AKAP19: variants seen among roughly 807,000 people sequenced by gnomAD.
The protein encoded by AKAP19 is A-kinase anchoring protein 19.
At chr2:189,919,949 T>C in the AKAP19 span, among the ~76,000 whole-genome samples, 2 of 152,180 alleles carry the variant, frequency 1.3e-5, no homozygotes, top group Admixed American at 6.5e-5. Flanking sequence ...AGTAGCAGCC[T>C]ACACACACAA....
chr2:190,138,744 G>C, the AKAP19 span, among the ~76,000 whole-genome samples: 1 of 152,154 alleles, frequency 6.6e-6, no homozygotes, highest in African/African-American at 2.4e-5. Context: ...CCTGTTCTTT[G>C]TCCATACCTC....
At chr2:190,176,391 G>A in the AKAP19 span, among the ~76,000 whole-genome samples, 3 of 152,182 alleles carry the variant, frequency 2.0e-5, no homozygotes, top group African/African-American at 4.8e-5. This position sits in a 1 kb window ranked among gnomAD's most constrained non-coding sequence, Gnocchi z 4.7. Flanking sequence ...ACTGTCACCC[G>A]GGCTGGAGTG....
At chr2:190,065,999 AG>A in the AKAP19 span, among the ~76,000 whole-genome samples, 1 of 152,184 alleles carries the variant, frequency 6.6e-6, no homozygotes, top group Admixed American at 6.6e-5. Context: ...GAGACAGGAC[AG>A]TACTGCATCA....
chr2:190,126,277 G>A, the AKAP19 span, among the ~76,000 whole-genome samples: 9 of 39,730 alleles, frequency 2.3e-4, no homozygotes, highest in Non-Finnish European at 2.7e-4. Context: ...GCAACAGAGC[G>A]AGATTCCATC....
the AKAP19 span, among the ~76,000 whole-genome samples, chr2:190,133,298 AAC>A: frequency 2.0e-5 from 3 of 151,866 alleles, no homozygotes; most frequent in Non-Finnish European, 4.4e-5. Context: ...TTCTCAAAAA[AAC>A]ACATATAAAT....
the AKAP19 span, among the ~76,000 whole-genome samples, chr2:190,020,283 A>C: frequency 3.3e-5 from 5 of 152,234 alleles, no homozygotes; most frequent in African/African-American, 1.2e-4. Context: ...GAGCTTATTC[A>C]TTTATTTTTT....
chr2:190,133,957 T>C, the AKAP19 span, among the ~76,000 whole-genome samples: 2 of 152,234 alleles, frequency 1.3e-5, no homozygotes, highest in African/African-American at 4.8e-5. Context: ...TATTATACAC[T>C]TGAAATTTGC....
the AKAP19 span, among the ~76,000 whole-genome samples, chr2:189,891,440 G>C: frequency 6.6e-6 from 1 of 151,664 alleles, no homozygotes; most frequent in African/African-American, 2.4e-5. Flanking sequence ...AGTCAGGATG[G>C]TCTCAATCTC....
the AKAP19 span, among the ~76,000 whole-genome samples, chr2:190,119,148 G>T: frequency 4.6e-5 from 7 of 152,202 alleles, no homozygotes; most frequent in Non-Finnish European, 7.3e-5. Flanking sequence ...AGGGTTCTTG[G>T]TCTTCATGCC....
At chr2:190,068,936 G>A in the AKAP19 span, among the ~76,000 whole-genome samples, 4 of 151,944 alleles carry the variant, frequency 2.6e-5, no homozygotes, top group Non-Finnish European at 4.4e-5. Context: ...TAATGATCTG[G>A]GCTTCCTAGA....
At chr2:189,970,526 G>C in the AKAP19 span, among the ~76,000 whole-genome samples, 2 of 151,574 alleles carry the variant, frequency 1.3e-5, no homozygotes, top group South Asian at 4.2e-4. Flanking sequence ...CATCAATACT[G>C]TGTTCGAGAT....
chr2:189,892,157 G>A, the AKAP19 span, among the ~76,000 whole-genome samples: 4 of 151,652 alleles, frequency 2.6e-5, no homozygotes, highest in African/African-American at 4.8e-5. Flanking sequence ...GGTTCTTAGC[G>A]TCCGTGCATT....
chr2:189,914,399 C>CA, the AKAP19 span, among the ~76,000 whole-genome samples: 1 of 151,958 alleles, frequency 6.6e-6, no homozygotes, highest in Non-Finnish European at 1.5e-5. Flanking sequence ...GTAGGATAAA[C>CA]AATTTAAAAA....
the AKAP19 span, among the ~76,000 whole-genome samples, chr2:189,943,896 A>G: frequency 1.3e-5 from 2 of 152,220 alleles, no homozygotes; most frequent in Non-Finnish European, 2.9e-5. Context: ...CCCTTTTAGA[A>G]TGGGAATGTT....
the AKAP19 span, among the ~76,000 whole-genome samples, chr2:189,940,437 A>G: frequency 2.6e-5 from 4 of 151,314 alleles, no homozygotes; most frequent in South Asian, 2.1e-4. Context: ...CGGGGGGGAA[A>G]AAAAGAAAAG....
the AKAP19 span, among the ~76,000 whole-genome samples, chr2:189,982,205 T>A: frequency 1.3e-5 from 2 of 150,602 alleles, no homozygotes; most frequent in Non-Finnish European, 1.5e-5. Flanking sequence ...GTTCATTTTT[T>A]AAAAATTATT....
At chr2:190,176,781 T>C in the AKAP19 span, among the ~76,000 whole-genome samples, 28 of 152,338 alleles carry the variant, frequency 1.8e-4, 1 homozygote, top group Admixed American at 1.3e-4. The surrounding 1 kb of genome is among the most constrained non-coding windows in gnomAD (Gnocchi z 4.7). Context: ...TCCTAAAGCC[T>C]TAATTAGGGT....
At chr2:190,038,918 TC>T in the AKAP19 span, among the ~76,000 whole-genome samples, 1 of 131,494 alleles carries the variant, frequency 7.6e-6, no homozygotes, top group African/African-American at 3.4e-5. Context: ...TTCTTCTTCT[TC>T]TTCTTCTTCT....
the AKAP19 span, among the ~76,000 whole-genome samples, chr2:190,153,432 T>C: frequency 4.6e-5 from 7 of 152,314 alleles, no homozygotes; most frequent in South Asian, 1.5e-3. Flanking sequence ...AATTAGACAA[T>C]GTTAACTAGT....
Sources: allele counts gnomAD v4.1 joint callset (sites outside exome capture counted in the v4.1 genomes callset), GRCh38; gene constraint gnomAD v4.1.1; non-coding constraint Gnocchi (gnomAD v3.1); transcripts MANE v1.5; gene names NCBI Gene and HGNC (gene_info 2026-07-23, HGNC 2026-07-21).